Variants in RBFOX1 observed in about 807,000 individuals in gnomAD.
RBFOX1 encodes the protein RNA binding fox-1 homolog 1.
A neutral mutation model predicts 57.7 loss-of-function variants in RBFOX1; 8 were observed. The ratio of observed to expected loss-of-function variants is 0.14; its 90% confidence interval spans 0.08 to 0.25. The LOEUF is 0.25. Among genes scored for constraint, RBFOX1 ranks in the 10% least tolerant of loss-of-function variants. The pLI, the probability that RBFOX1 is intolerant of heterozygous loss-of-function variation, is 1.00. For synonymous variants in RBFOX1, 326 were observed against 222.4 expected (o/e 1.47, Z -4.15); for missense variants, 611 against 548.5 (o/e 1.11, Z -1.14).
chr16:5,611,719 T>TATCCATCCATCCATCC (rs61156757), intron 3 of RBFOX1, among the ~76,000 whole-genome samples: 18,527 of 114,204 alleles, frequency 0.16, 1,793 homozygotes, highest in Middle Eastern at 0.22. Flanking sequence ...TCCATCCATC[T>TATCCATCCATCCATCC]ATCCATCCAT....
At chr16:5,543,769 T>G (rs7188049) in intron 2 of RBFOX1, among the ~76,000 whole-genome samples, 97,460 of 151,940 alleles carry the variant, frequency 0.64, 31,847 homozygotes, top group East Asian at 0.89. Context: ...ATATAAAAAC[T>G]TAAAAGCATC....
chr16:7,147,718 A>C (rs2075305236), intron 4 of RBFOX1, among the ~76,000 whole-genome samples: 1 of 152,140 alleles, frequency 6.6e-6, no homozygotes, highest in South Asian at 2.1e-4. Flanking sequence ...CCTATCTGCC[A>C]TTGATGGGTA....
In RBFOX1 at chr16:7,286,011, T is replaced by C. The variant is rs150513752; in HGVS notation, c.28-232136T>C. Among the ~76,000 whole-genome samples, 74 of 152,320 alleles carry C rather than the reference T, an allele frequency of 4.9e-4. No individual in the cohort carries two copies. In the East Asian group the frequency reaches 0.013, roughly 26 times the overall value. Reference sequence around the variant, plus strand: ...GGGTAAGTAGACTGAGTTTTGTTTGTTTGTCTGCTTGTTTGTATCTTTAAT... The same window carrying C: ...GGGTAAGTAGACTGAGTTTTGTTTGCTTGTCTGCTTGTTTGTATCTTTAAT... On this transcript the variant is annotated intron_variant, in intron 4 of 15. Transcript: ENST00000550418.
chr16:7,128,034 T>G (rs1487120759), intron 4 of RBFOX1, among the ~76,000 whole-genome samples: 1 of 152,180 alleles, frequency 6.6e-6, no homozygotes, highest in African/African-American at 2.4e-5. Flanking sequence ...GCTCAGCTTT[T>G]CAGTCTTGAC....
intron 4 of RBFOX1, among the ~76,000 whole-genome samples, chr16:7,111,607 A>G (rs1049083934): frequency 6.6e-6 from 1 of 152,182 alleles, no homozygotes; most frequent in Admixed American, 6.5e-5. Context: ...GTGTCTGAGT[A>G]TCCTGGGAGT....
At chr16:6,424,514 A>C (rs546541009) in intron 2 of RBFOX1, among the ~76,000 whole-genome samples, 2 of 152,286 alleles carry the variant, frequency 1.3e-5, no homozygotes, top group Admixed American at 6.5e-5. Flanking sequence ...ACTGCTCAGC[A>C]TCTTTCAGGA....
At chr16:6,051,235 G>C (rs113479314) in intron 1 of RBFOX1, among the ~76,000 whole-genome samples, 2 of 151,742 alleles carry the variant, frequency 1.3e-5, no homozygotes, top group Non-Finnish European at 2.9e-5. Flanking sequence ...CTTATCATCT[G>C]TTCCCCCAAA....
chr16:5,589,754 G>C (rs1193579884), intron 2 of RBFOX1, among the ~76,000 whole-genome samples: 1 of 152,112 alleles, frequency 6.6e-6, no homozygotes, highest in African/African-American at 2.4e-5. Flanking sequence ...AGCTCAGAGA[G>C]GTGAAGTCAC....
chr16:6,785,735 C>G (rs2081847834), intron 3 of RBFOX1, among the ~76,000 whole-genome samples: 1 of 152,160 alleles, frequency 6.6e-6, no homozygotes, highest in Non-Finnish European at 1.5e-5. Context: ...ATATGAAATA[C>G]CAATTCCACT....
chr16:6,816,132 A>T (rs2090011794), intron 3 of RBFOX1, among the ~76,000 whole-genome samples: 1 of 151,796 alleles, frequency 6.6e-6, no homozygotes, highest in South Asian at 2.1e-4. Flanking sequence ...ACATGAGGAG[A>T]CCCCGTCTCT....
intron 3 of RBFOX1, among the ~76,000 whole-genome samples, chr16:6,782,790 T>C (rs576423528): frequency 5.3e-5 from 8 of 152,344 alleles, no homozygotes; most frequent in Middle Eastern, 3.4e-3. Context: ...GTTAATTTTC[T>C]TTCTAGGTTT....
Position 6,094,984 on chromosome 16 carries a change from C to T in RBFOX1, c.-127+74992C>T, listed in dbSNP as rs551809153. 1.4e-3 allele frequency among the ~76,000 whole-genome samples: 212 copies of T among 152,204 alleles called. 1 individual carries two copies. Among genetic ancestry groups the T allele is most frequent in the African/African-American group, 4.9e-3 (204 of 41,514 alleles). On this transcript the variant is annotated intron_variant, in intron 1 of 15. Transcript: ENST00000550418. ...CTGAGGCAGGAGAATCGCTGGAACC[C>T]GGGAGGCAAAGTTTGCAGTGACTTG...
intron 3 of RBFOX1, among the ~76,000 whole-genome samples, chr16:5,613,314 G>A (rs2047892143): frequency 6.6e-6 from 1 of 152,162 alleles, no homozygotes; most frequent in Admixed American, 6.5e-5. Context: ...GTTGAGGGTG[G>A]GTTCCCCAAT....
At chr16:7,373,626 A>T (rs1339828968) in intron 4 of RBFOX1, among the ~76,000 whole-genome samples, 1 of 152,224 alleles carries the variant, frequency 6.6e-6, no homozygotes, top group Non-Finnish European at 1.5e-5. Flanking sequence ...CAGAGGAAAC[A>T]GGGCTTCTGC....
At chr16:7,320,975 G>C (rs1568196822) in intron 4 of RBFOX1, among the ~76,000 whole-genome samples, 1 of 152,122 alleles carries the variant, frequency 6.6e-6, no homozygotes, top group Non-Finnish European at 1.5e-5. Context: ...CAATAGCTGA[G>C]TTCCTGATCA....
intron 1 of RBFOX1, among the ~76,000 whole-genome samples, chr16:6,022,467 G>T (rs1365849484): frequency 6.6e-6 from 1 of 152,070 alleles, no homozygotes; most frequent in African/African-American, 2.4e-5. Context: ...TATTGCTTGA[G>T]TCCAGGAGTT....
At chr16:6,969,244 G>C (rs1458235405) in intron 3 of RBFOX1, among the ~76,000 whole-genome samples, 2 of 152,080 alleles carry the variant, frequency 1.3e-5, no homozygotes, top group Non-Finnish European at 2.9e-5. Context: ...GAAGTTCTTG[G>C]GAAGACCTTG....
chr16:7,493,763 A>T (rs2067695508), intron 4 of RBFOX1, among the ~76,000 whole-genome samples: 1 of 152,224 alleles, frequency 6.6e-6, no homozygotes, highest in South Asian at 2.1e-4. Flanking sequence ...ACTTTACGTC[A>T]GTTGAGAAAT....
At chr16:6,553,551 C>T (rs116706439) in intron 2 of RBFOX1, among the ~76,000 whole-genome samples, 83 of 152,256 alleles carry the variant, frequency 5.5e-4, no homozygotes, top group African/African-American at 1.8e-3. Context: ...CAATTGTCAC[C>T]AAGTCTATCT....
Sources: allele counts gnomAD v4.1 joint callset (sites outside exome capture counted in the v4.1 genomes callset), GRCh38; gene constraint gnomAD v4.1.1; transcripts MANE v1.5; gene names NCBI Gene and HGNC (gene_info 2026-07-23, HGNC 2026-07-21).